ADAMTS18: variants seen among roughly 807,000 people sequenced by gnomAD.
The protein encoded by ADAMTS18 is A disintegrin and metalloproteinase with thrombospondin motifs 18.
A neutral mutation model predicts 165.9 loss-of-function variants in ADAMTS18; 157 were observed. The ratio of observed to expected loss-of-function variants is 0.95; its 90% confidence interval spans 0.83 to 1.08. The LOEUF (loss-of-function observed/expected upper bound fraction) is 1.08, where lower values mean the gene tolerates loss of function less well. Among genes scored for constraint, ADAMTS18 ranks in the 50% least tolerant of loss-of-function variants. ADAMTS18 has a pLI of 0.00. For synonymous variants in ADAMTS18, 782 were observed against 578.2 expected, an observed-to-expected ratio of 1.35 and a Z score of -5.06; for missense variants, 2,040 against 1,534.0, an observed-to-expected ratio of 1.33 and a Z score of -5.51.
chr16:77,406,169 T>A (rs1467755795), intron 3 of ADAMTS18, among the ~76,000 whole-genome samples: 2 of 152,120 alleles, frequency 1.3e-5, no homozygotes, highest in Non-Finnish European at 2.9e-5. Flanking sequence ...CACTACATCA[T>A]AACCAAGTAA....
intron 16 of ADAMTS18, among the ~76,000 whole-genome samples, chr16:77,301,278 G>GAA (rs34732324): frequency 0.011 from 1,626 of 143,642 alleles, 12 homozygotes; most frequent in South Asian, 0.03. Context: ...TATTTTCATT[G>GAA]AAAAAAAAAA....
Position 77,322,475 on chromosome 16 carries a change from A to G in ADAMTS18, c.2033-9T>C. ...TTTGCATCGATCTTCCTCTAGAAAC[A>G]AAGAGATCAAGATAGGAAATGGTCA... On this transcript the variant is annotated splice_polypyrimidine_tract_variant and intron_variant, in intron 13 of 22. Transcript: ENST00000282849. 1 of 1,613,900 alleles carries G rather than the reference A, an allele frequency of 6.2e-7. No homozygotes were observed. Among genetic ancestry groups the G allele is most frequent in the Non-Finnish European group, 8.5e-7 (1 of 1,179,848 alleles).
rs189808171 is a variant in ADAMTS18 at position 77,362,248 on chromosome 16, T to C, written c.1073A>G (p.Asn358Ser). Residue 358 changes from asparagine to serine, a missense_variant, in exon 7 of 23, where the codon AAC becomes AGC. Asn to Ser is a conservative substitution (Grantham distance 46). Transcript: ENST00000282849. ...LEQEPGGLLI[N>S]HHADQSLNSF... ...ATTCAGAGACTGGTCTGCATGATGGTTGATCAATAATCCTCCCTATGGGAA... is the reference window on the plus strand; with the variant it reads ...ATTCAGAGACTGGTCTGCATGATGGCTGATCAATAATCCTCCCTATGGGAA... 6.2e-6 allele frequency: 10 copies of C among 1,614,164 alleles called. No individual in the cohort carries two copies. In the South Asian group the frequency reaches 7.7e-5, roughly 12 times the overall value.
In ADAMTS18 at chr16:77,353,883, T is replaced by G. The variant is rs376633413; in HGVS notation, c.1464A>C (p.Thr488=). The G allele has an allele frequency of 3.6e-4, 575 of 1,614,170 alleles. 4 individuals carry two copies. The South Asian group carries it at 5.5e-3, about 16-fold the overall frequency. The part of the protein sequence containing the change: ...SRQYLKKFLS[T]PQAGCLVDEP... ...CATCCACTAGACACCCCGCCTGAGG[T>G]GTGCTGTAATGACAATACATGCTTA... The change falls in exon 10 of 23, where the codon ACA becomes ACC. Residue 488 remains threonine (T), a synonymous_variant. Coordinates refer to ENST00000282849, the MANE Select transcript of ADAMTS18 (RefSeq NM_199355.4).
intron 17 of ADAMTS18, among the ~76,000 whole-genome samples, chr16:77,298,773 C>T (rs1439777609): frequency 1.3e-5 from 2 of 152,188 alleles, no homozygotes; most frequent in African/African-American, 4.8e-5. Context: ...GCCTGGGTGA[C>T]AGAGTGAGAT....
chr16:77,410,284 C>A (rs868108155), intron 3 of ADAMTS18, among the ~76,000 whole-genome samples: 58 of 121,106 alleles, frequency 4.8e-4, no homozygotes, highest in Non-Finnish European at 4.1e-4. Context: ...TGGTTGCAAC[C>A]CAAATTTGAA....
chr16:77,360,408 A>G (rs951828444), intron 7 of ADAMTS18, among the ~76,000 whole-genome samples: 14 of 152,238 alleles, frequency 9.2e-5, no homozygotes, highest in African/African-American at 3.1e-4. Flanking sequence ...AATCAACCAC[A>G]GACATATGGG....
chr16:77,434,482 G>A lies in ADAMTS18; in HGVS notation c.114C>T (p.Cys38=), dbSNP rs758722794. 5.7e-6 allele frequency: 9 copies of A among 1,567,708 alleles called. No homozygotes were observed. In the South Asian group the frequency reaches 8.1e-5, roughly 14 times the overall value. Residue 38 remains cysteine (C), a synonymous_variant, in exon 2 of 23, where the codon TGC becomes TGT. Coordinates refer to ENST00000282849, the MANE Select transcript of ADAMTS18 (RefSeq NM_199355.4). ...CTAAGGCCGCGGCGACCGACGCACA[G>A]CAGAGGCAGCACAGCTGGAGCGCCT... ...VAKALQLCCL[C]CASVAAALAS...
chr16:77,292,444 G>C (rs770819557), intron 20 of ADAMTS18, among the ~76,000 whole-genome samples: 35 of 152,096 alleles, frequency 2.3e-4, no homozygotes, highest in African/African-American at 4.8e-4. Context: ...TGCACCCTCT[G>C]TCTGGGACAA....
chr16:77,393,590 C>T (rs1369996560), intron 3 of ADAMTS18, among the ~76,000 whole-genome samples: 2 of 152,172 alleles, frequency 1.3e-5, no homozygotes, highest in Non-Finnish European at 2.9e-5. Flanking sequence ...TCCCAGAGAG[C>T]TGCCTTGCTT....
intron 2 of ADAMTS18, among the ~76,000 whole-genome samples, chr16:77,433,078 TAC>T (rs980283948): frequency 6.6e-6 from 1 of 152,214 alleles, no homozygotes; most frequent in Non-Finnish European, 1.5e-5. Flanking sequence ...GAGCCAGACA[TAC>T]AATATTTTTC....
At chr16:77,378,098 C>A (rs550311610) in intron 3 of ADAMTS18, among the ~76,000 whole-genome samples, 9 of 152,100 alleles carry the variant, frequency 5.9e-5, no homozygotes, top group Non-Finnish European at 1.2e-4. Context: ...GAGTCTAAGG[C>A]AGGAGGATCA....
chr16:77,300,657 G>T (rs907542810), intron 16 of ADAMTS18, among the ~76,000 whole-genome samples: 2 of 152,018 alleles, frequency 1.3e-5, no homozygotes, highest in East Asian at 3.9e-4. Flanking sequence ...TTTGCCATAA[G>T]CCCATAACGT....
intron 16 of ADAMTS18, among the ~76,000 whole-genome samples, chr16:77,310,306 A>G (rs1457775898): frequency 6.6e-6 from 1 of 152,234 alleles, no homozygotes; most frequent in Non-Finnish European, 1.5e-5. Flanking sequence ...ACAAGTATAA[A>G]TGAGTCATTG....
At chr16:77,351,555 C>A (rs1445043530) in intron 10 of ADAMTS18, among the ~76,000 whole-genome samples, 1 of 152,180 alleles carries the variant, frequency 6.6e-6, no homozygotes, top group East Asian at 1.9e-4. Context: ...TTATTACCAA[C>A]TGTGCTTTTG....
At chr16:77,408,912 A>G (rs1399892029) in intron 3 of ADAMTS18, among the ~76,000 whole-genome samples, 6 of 152,250 alleles carry the variant, frequency 3.9e-5, no homozygotes, top group Admixed American at 6.5e-5. Context: ...AGTAATTATA[A>G]GATACATTGA....
At position 77,319,843 on chromosome 16, in the gene ADAMTS18, G is replaced by T. The variant is rs752412844; in HGVS notation, c.2532+6C>A. 1.9e-6 allele frequency: 3 copies of T among 1,614,086 alleles called. No individual in the cohort carries two copies. In the East Asian group the frequency reaches 6.7e-5, roughly 36 times the overall value. On this transcript the variant is annotated splice_donor_region_variant and intron_variant, in intron 16 of 22. Transcript: ENST00000282849. ...ACTGAGAACTGAATACACAGAAGGG[G>T]CTTACTTCAAAGACCAGCGTCTCAT...
At chr16:77,364,096 A>T (rs1230054210) in intron 5 of ADAMTS18, 92 bp downstream of exon 5, 2 of 1,516,308 alleles carry the variant, frequency 1.3e-6, no homozygotes, top group African/African-American at 2.7e-5. Flanking sequence ...ATTTGCACCG[A>T]CCTAATACAC....
At chr16:77,424,937 G>A (rs1429102580) in intron 3 of ADAMTS18, among the ~76,000 whole-genome samples, 1 of 152,154 alleles carries the variant, frequency 6.6e-6, no homozygotes, top group Admixed American at 6.5e-5. Context: ...TGCCCGCCAT[G>A]GACGAAGGTC....
Sources: allele counts gnomAD v4.1 joint callset (sites outside exome capture counted in the v4.1 genomes callset), GRCh38; gene constraint gnomAD v4.1.1; transcripts MANE v1.5; gene names NCBI Gene and HGNC (gene_info 2026-07-23, HGNC 2026-07-21).